CFAP43: variants seen among roughly 807,000 people sequenced by gnomAD.
CFAP43 encodes the protein cilia- and flagella-associated protein 43.
CFAP43 carries 155 observed loss-of-function variants against 218.9 expected under a neutral mutation model. The observed-to-expected ratio is 0.71, with a 90% CI of 0.62 to 0.81. The LOEUF (loss-of-function observed/expected upper bound fraction) is 0.81, where lower values mean the gene tolerates loss of function less well. Among genes scored for constraint, CFAP43 ranks in the 30% least tolerant of loss-of-function variants. The pLI is 0.00. For missense variants in CFAP43, 1,778 were observed against 1,954.3 expected (o/e 0.91, Z 1.70); for synonymous variants, 645 against 681.3 (o/e 0.95, Z 0.83).
intron 27 of CFAP43, among the ~76,000 whole-genome samples, chr10:104,154,083 T>C (rs1221504807): frequency 9.2e-5 from 14 of 152,232 alleles, no homozygotes; most frequent in Non-Finnish European, 2.1e-4. Flanking sequence ...GGTTAAGTAG[T>C]GTCTGCCACT....
At chr10:104,135,549 T>C (rs1175256358) in intron 34 of CFAP43, among the ~76,000 whole-genome samples, 1 of 152,140 alleles carries the variant, frequency 6.6e-6, no homozygotes, top group Non-Finnish European at 1.5e-5. Flanking sequence ...AGTATAAGAT[T>C]AATATGCAAA....
At chr10:104,139,911 A>G (rs1006138853) in intron 34 of CFAP43, among the ~76,000 whole-genome samples, 1 of 152,228 alleles carries the variant, frequency 6.6e-6, no homozygotes, top group African/African-American at 2.4e-5. Context: ...TTTTGTGTTT[A>G]TAGCATTTGT....
intron 12 of CFAP43, among the ~76,000 whole-genome samples, chr10:104,189,474 A>G (rs1366252215): frequency 6.6e-6 from 1 of 152,150 alleles, no homozygotes; most frequent in Non-Finnish European, 1.5e-5. Context: ...TGGCAAATAT[A>G]TGAGAGCCTA....
At chr10:104,144,206 G>C (rs534517114) in intron 31 of CFAP43, among the ~76,000 whole-genome samples, 1 of 152,300 alleles carries the variant, frequency 6.6e-6, no homozygotes, top group South Asian at 2.1e-4. Context: ...ATGGCCCAAG[G>C]CTATCAGTCT....
rs1021569529 is a variant in CFAP43, at chr10:104,185,222, C to T, written c.2011-76G>A. The T allele has an allele frequency of 5.1e-6, 8 of 1,564,132 alleles. No homozygotes were observed. In the African/African-American group the frequency reaches 8.2e-5, roughly 16 times the overall value. ...ACGGCTTTTCTAATGGGGTTATATG[C>T]CCCTTTTTTGTGGATAAATCATTTT... On this transcript the variant is annotated intron_variant, in intron 15 of 37. Coordinates refer to ENST00000357060, the MANE Select transcript of CFAP43 (RefSeq NM_025145.7).
chr10:104,192,683 G>A (rs1054499121), intron 11 of CFAP43: 6 of 188,670 alleles, frequency 3.2e-5, no homozygotes, highest in African/African-American at 1.4e-4. Flanking sequence ...CTGGCAGTGG[G>A]AGGAAGAATG....
chr10:104,229,704 G>A lies in CFAP43; in HGVS notation c.319+886C>T, dbSNP rs529361665. Among the ~76,000 whole-genome samples the A allele has an allele frequency of 3.3e-5, 5 of 152,038 alleles. No homozygotes were observed. The East Asian group carries it at 9.7e-4, about 29-fold the overall frequency. Reference sequence around the variant, plus strand: ...ATAAACACTAATAATTCAAATGGTAGGCAACATTGAGCACTTGGCATACAT... The same window carrying A: ...ATAAACACTAATAATTCAAATGGTAAGCAACATTGAGCACTTGGCATACAT... On this transcript the variant is annotated intron_variant, in intron 2 of 37. Coordinates refer to ENST00000357060, the MANE Select transcript of CFAP43 (RefSeq NM_025145.7).
intron 9 of CFAP43, 116 bp from the exon 10 acceptor site, chr10:104,197,049 C>G (rs150833636): frequency 1.4e-6 from 1 of 704,476 alleles, no homozygotes; most frequent in Non-Finnish European, 2.3e-6. Context: ...ATTTTACTTA[C>G]GTGGATTATA....
intron 10 of CFAP43, among the ~76,000 whole-genome samples, chr10:104,195,111 G>A (rs902578639): frequency 2.0e-5 from 3 of 152,234 alleles, no homozygotes; most frequent in African/African-American, 7.2e-5. Context: ...GGTACCATCA[G>A]CGGATGCTGC....
At chr10:104,180,445 C>CTT (rs34452460) in intron 17 of CFAP43, among the ~76,000 whole-genome samples, 36 of 124,644 alleles carry the variant, frequency 2.9e-4, no homozygotes, top group East Asian at 2.2e-3. Context: ...CACCCTATTT[C>CTT]TTTTTTTTTT....
Position 104,186,062 on chromosome 10 carries a change from G to C in CFAP43, c.1922C>G (p.Pro641Arg), listed in dbSNP as rs372275799. The change falls in exon 15 of 38, where the codon CCT becomes CGT. Residue 641 changes from proline to arginine, a missense_variant. Physicochemically the swap from Pro to Arg is moderately radical, Grantham distance 103. Transcript: ENST00000357060. The stretch of plus-strand genomic sequence containing the variant: ...ATGTGAAGACAGATAGAGCAGTCCA[G>C]GTCCATACTGTCTGCTTTGTACTTT... ...YKKVQSRQYG[P>R]GLLYLSSHGL... The C allele has an allele frequency of 2.3e-5, 36 of 1,594,902 alleles. No homozygotes were observed. The highest frequency in any genetic ancestry group is 2.8e-5 in the Non-Finnish European group (33 of 1,174,404).
rs538250259 is a variant in CFAP43, at chr10:104,179,997, C to T, written c.2290-65G>A. The T allele has an allele frequency of 4.9e-6, 6 of 1,223,842 alleles. No homozygotes were observed. In the African/African-American group the frequency reaches 9.0e-5, roughly 18 times the overall value. The allele number at this position is 1,223,842 out of a possible 1,614,324, so 75.8% of individuals were successfully genotyped here. On this transcript the variant is annotated intron_variant, in intron 17 of 37. Coordinates refer to ENST00000357060, the MANE Select transcript of CFAP43 (RefSeq NM_025145.7). ...AAAATTCATCAAGTTTTTCCCCTCCCACCCTACCACATGTAACTGCTTTGA... is the reference window on the plus strand; with the variant it reads ...AAAATTCATCAAGTTTTTCCCCTCCTACCCTACCACATGTAACTGCTTTGA...
At chr10:104,160,552 T>C (rs919364010) in intron 27 of CFAP43, among the ~76,000 whole-genome samples, 1 of 152,244 alleles carries the variant, frequency 6.6e-6, no homozygotes, top group South Asian at 2.1e-4. Context: ...TGGATGGGGA[T>C]AAAAGTAGCA....
intron 35 of CFAP43, among the ~76,000 whole-genome samples, chr10:104,133,147 C>G (rs533478451): frequency 2.0e-5 from 3 of 152,006 alleles, no homozygotes; most frequent in African/African-American, 7.3e-5. Flanking sequence ...TAGGAGTGAT[C>G]GTTGAAGTTA....
At chr10:104,196,413 A>G (rs897057281) in intron 10 of CFAP43, among the ~76,000 whole-genome samples, 11 of 152,226 alleles carry the variant, frequency 7.2e-5, no homozygotes, top group Non-Finnish European at 1.5e-4. Flanking sequence ...AAAAGCACTT[A>G]CTTGCTGATT....
At chr10:104,221,334 C>A (rs770686850) in intron 3 of CFAP43, among the ~76,000 whole-genome samples, 1 of 152,144 alleles carries the variant, frequency 6.6e-6, no homozygotes, top group Non-Finnish European at 1.5e-5. Context: ...GCTGCCTCCC[C>A]CCACCAAATT....
intron 23 of CFAP43, 52 bp from the exon 24 acceptor site, chr10:104,164,352 G>A (rs2089038210): frequency 2.3e-6 from 3 of 1,319,738 alleles, no homozygotes; most frequent in Non-Finnish European, 3.1e-6. Flanking sequence ...ATCTTTACTG[G>A]TAACATGATC....
intron 29 of CFAP43, 89 bp downstream of exon 29, chr10:104,147,802 A>T (rs919150930): frequency 1.3e-6 from 1 of 783,666 alleles, no homozygotes; most frequent in African/African-American, 1.8e-5. Context: ...CAAGGAAGGA[A>T]GGAAGGGTCT....
intron 23 of CFAP43, 64 bp downstream of exon 23, chr10:104,166,424 G>A: frequency 8.6e-7 from 1 of 1,158,418 alleles, no homozygotes; most frequent in South Asian, 1.5e-5. Flanking sequence ...TTCAATGTGA[G>A]GCCTTGAAAG....
Sources: gnomAD v4.1 joint callset for allele counts (sites outside exome capture counted in the v4.1 genomes callset) on GRCh38, gnomAD v4.1.1 for gene constraint, MANE v1.5 for transcripts, NCBI Gene and HGNC (gene_info 2026-07-23, HGNC 2026-07-21) for gene names.